Variants in TPGS2 observed in about 807,000 individuals in gnomAD.
TPGS2 encodes the protein polyglutamylase subunit 2.
TPGS2 carries 26 observed loss-of-function variants against 31.1 expected under a neutral mutation model. The observed-to-expected ratio is 0.84, with a 90% CI of 0.61 to 1.16. The LOEUF is 1.16. Ranked by LOEUF, TPGS2 falls within the 50% of genes most tolerant of loss-of-function variation. The pLI, the probability that TPGS2 is intolerant of heterozygous loss-of-function variation, is 0.00. For missense variants in TPGS2, 351 were observed against 363.8 expected, an observed-to-expected ratio of 0.96 and a Z score of 0.29; for synonymous variants, 130 against 136.6, an observed-to-expected ratio of 0.95 and a Z score of 0.34.
At chr18:36,783,198 T>C in intron 6 of TPGS2, 1 of 395,488 alleles carries the variant, frequency 2.5e-6, no homozygotes, top group African/African-American at 2.1e-5. Context: ...AACTAAAGGA[T>C]GTTTCCTGTT....
At chr18:36,811,396 C>A (rs2045420216) in intron 2 of TPGS2, among the ~76,000 whole-genome samples, 1 of 152,162 alleles carries the variant, frequency 6.6e-6, no homozygotes. Flanking sequence ...AGGTAGCATA[C>A]TTTTTCCAAA....
chr18:36,803,255 C>G (rs1361451515), intron 4 of TPGS2, among the ~76,000 whole-genome samples: 1 of 152,172 alleles, frequency 6.6e-6, no homozygotes, highest in Non-Finnish European at 1.5e-5. Context: ...TGCCTGTTGA[C>G]CAACGTTTCC....
At chr18:36,801,811 T>C (rs1474465866) in intron 4 of TPGS2, among the ~76,000 whole-genome samples, 9 of 152,240 alleles carry the variant, frequency 5.9e-5, no homozygotes, top group African/African-American at 1.4e-4. Context: ...TCATTTGTGT[T>C]TCTTGTTCCT....
chr18:36,824,535 T>C (rs1437568870), intron 1 of TPGS2, among the ~76,000 whole-genome samples: 1 of 152,202 alleles, frequency 6.6e-6, no homozygotes, highest in African/African-American at 2.4e-5. Context: ...CAACAATTGC[T>C]GTATCTGTCT....
rs78925692 is a variant in TPGS2, at chr18:36,819,277, C to T, written c.86-304G>A. Reference sequence around the variant, plus strand: ...ATTGTAGATTCCTAATGATTTCACACAGAAATTCTCAGTGAGCTAAATCTA... The same window carrying T: ...ATTGTAGATTCCTAATGATTTCACATAGAAATTCTCAGTGAGCTAAATCTA... On this transcript the variant is annotated intron_variant, in intron 1 of 6. Coordinates refer to ENST00000334295, the MANE Select transcript of TPGS2 (RefSeq NM_015476.4). Among the ~76,000 whole-genome samples, 981 of 152,270 alleles carry T rather than the reference C, an allele frequency of 6.4e-3. 15 individuals are homozygous for T. The highest frequency in any genetic ancestry group is 0.022 in the African/African-American group (909 of 41,554).
At chr18:36,800,056 G>T in intron 5 of TPGS2, 142 bp downstream of exon 5, 1 of 679,316 alleles carries the variant, frequency 1.5e-6, no homozygotes, top group Non-Finnish European at 2.6e-6. Flanking sequence ...AACCAAAGGG[G>T]TTTTTGGGTT....
intron 1 of TPGS2, chr18:36,820,963 C>T (rs2045867690): frequency 6.6e-6 from 1 of 152,204 alleles, no homozygotes; most frequent in Non-Finnish European, 1.5e-5. Flanking sequence ...AGAGATGAAA[C>T]TCACATCTTT....
At chr18:36,803,897 T>C (rs1290917127) in intron 4 of TPGS2, among the ~76,000 whole-genome samples, 1 of 152,174 alleles carries the variant, frequency 6.6e-6, no homozygotes, top group Non-Finnish European at 1.5e-5. Context: ...TTGTGTTTTT[T>C]TTTTAAATAG....
intron 1 of TPGS2, among the ~76,000 whole-genome samples, chr18:36,822,135 T>G (rs979774508): frequency 1.3e-5 from 2 of 152,218 alleles, no homozygotes; most frequent in Admixed American, 1.3e-4. Context: ...TCTAGGAGGC[T>G]GAAATTTTGA....
At chr18:36,801,574 T>C (rs1568007366) in intron 4 of TPGS2, among the ~76,000 whole-genome samples, 1 of 152,198 alleles carries the variant, frequency 6.6e-6, no homozygotes, top group Non-Finnish European at 1.5e-5. Flanking sequence ...GCTCTAGTGA[T>C]CCTCTGGCCT....
Position 36,784,423 on chromosome 18 carries a change from T to C in TPGS2, c.658-1292A>G, listed in dbSNP as rs140800319. 6.4e-3 allele frequency among the ~76,000 whole-genome samples: 981 copies of C among 152,312 alleles called. 11 individuals are homozygous for C. The highest frequency in any genetic ancestry group is 0.022 in the African/African-American group (925 of 41,566). On this transcript the variant is annotated intron_variant, in intron 6 of 6. Transcript: ENST00000587129. ...TGCAGCCATATCTAGATTTTTAAAA[T>C]CAGAAATCATTTTATCAGATAAGTA...
At chr18:36,793,045 G>C (rs1319526323), downstream of TPGS2, among the ~76,000 whole-genome samples, 1 of 152,244 alleles carries the variant, frequency 6.6e-6, no homozygotes, top group East Asian at 1.9e-4. Context: ...TCTTTTGCCA[G>C]AAGCGCTCCC....
At position 36,797,038 on chromosome 18, in the gene TPGS2, T is replaced by G. The variant is rs749160119; in HGVS notation, c.670A>C (p.Met224Leu). The part of the protein sequence containing the change: ...ISPQAKQWFS[M>L]YKPITYNTNL... Reference sequence around the variant, plus strand: ...GTGTTGTAGGTGATAGGTTTATACATGCTGAACCATTGCTGTAAGGCAGAA... The same window carrying G: ...GTGTTGTAGGTGATAGGTTTATACAGGCTGAACCATTGCTGTAAGGCAGAA... Residue 224 changes from methionine (M) to leucine (L), a missense_variant, in exon 7 of 7, where the codon ATG (methionine) becomes CTG (leucine). Met to Leu is a conservative substitution (Grantham distance 15). Transcript: ENST00000334295. 5.0e-6 allele frequency: 8 copies of G among 1,594,606 alleles called. No homozygotes were observed. In the Admixed American group the frequency reaches 5.5e-5, roughly 11 times the overall value.
In TPGS2 at chr18:36,795,539, C is replaced by T. The variant is rs1266387546; in HGVS notation, c.*1266G>A. 1 of 985,316 alleles carries T rather than the reference C, an allele frequency of 1.0e-6. No homozygotes were observed. Among genetic ancestry groups the T allele is most frequent in the African/African-American group, 1.7e-5 (1 of 57,240 alleles). 61.0% of individuals were successfully genotyped at this position (985,316 alleles called of 1,614,324 possible). A position where few individuals can be genotyped will look rare whatever the true frequency, so the allele number is the denominator to read the frequency against. On this transcript the variant is annotated 3_prime_UTR_variant, in exon 7 of 7. Coordinates refer to ENST00000334295, the MANE Select transcript of TPGS2 (RefSeq NM_015476.4). The stretch of plus-strand genomic sequence containing the variant: ...AAGCAGGGTGAAGGCCTTGCTTCTG[C>T]CCACAGCCAGGACTGTAGAGGGAGG...
chr18:36,780,204 A>C (rs1050061572), downstream of TPGS2: 50 of 1,231,416 alleles, frequency 4.1e-5, no homozygotes, highest in Non-Finnish European at 5.0e-5. Flanking sequence ...TTTTGTTAAT[A>C]GAGTGAGTAA....
At position 36,794,638 on chromosome 18, in the gene TPGS2, T is replaced by C; in HGVS notation, c.*2167A>G. The C allele has an allele frequency of 1.0e-6, 1 of 985,410 alleles. No individual in the cohort carries two copies. The highest frequency in any genetic ancestry group is 1.2e-6 in the Non-Finnish European group (1 of 829,926). 61.0% of individuals were successfully genotyped at this position (985,410 alleles called of 1,614,324 possible). ...CCAGTGCCGTTGGCTCTTCCTTTGA[T>C]CAATTCTGGCAAGAAAAATACTTCT... is the stretch of plus-strand genomic sequence containing the variant. On this transcript the variant is annotated 3_prime_UTR_variant, in exon 7 of 7. Coordinates refer to ENST00000334295, the MANE Select transcript of TPGS2 (RefSeq NM_015476.4).
At chr18:36,823,460 G>GTTTTT (rs919277214) in intron 1 of TPGS2, among the ~76,000 whole-genome samples, 11 of 108,094 alleles carry the variant, frequency 1.0e-4, no homozygotes, top group Admixed American at 6.3e-4. Context: ...TTAACAGCTT[G>GTTTTT]TTTTTTTTTT....
Position 36,828,733 on chromosome 18 carries a change from C to T in TPGS2, c.35G>A (p.Cys12Tyr). 2 of 1,614,062 alleles carry T rather than the reference C, an allele frequency of 1.2e-6. No individual in the cohort carries two copies. The highest frequency in any genetic ancestry group is 1.7e-6 in the Non-Finnish European group (2 of 1,179,992). ...EEEASSPGLGCSKPHLEKLTL... is the reference protein window; with the variant it reads ...EEEASSPGLGYSKPHLEKLTL... Reference sequence around the variant, plus strand: ...CAGCTTCTCCAGGTGCGGCTTGCTGCAGCCCAGCCCCGGGGACGATGCCTC... The same window carrying T: ...CAGCTTCTCCAGGTGCGGCTTGCTGTAGCCCAGCCCCGGGGACGATGCCTC... The change falls in exon 1 of 7, where the codon TGC becomes TAC. Residue 12 changes from cysteine to tyrosine, a missense_variant. Cys to Tyr is a radical substitution (Grantham distance 194). Coordinates refer to ENST00000334295, the MANE Select transcript of TPGS2 (RefSeq NM_015476.4).
In TPGS2 at chr18:36,800,221, A is replaced by G; in HGVS notation, c.473T>C (p.Leu158Pro). 1 of 1,614,144 alleles carries G rather than the reference A, an allele frequency of 6.2e-7. No homozygotes were observed. The highest frequency in any genetic ancestry group is 1.7e-5 in the Admixed American group (1 of 60,022). The change falls in exon 5 of 7, where the codon CTT becomes CCT. Residue 158 changes from leucine to proline, a missense_variant. Leu to Pro is a moderately conservative substitution (Grantham distance 98). Coordinates refer to ENST00000334295, the MANE Select transcript of TPGS2 (RefSeq NM_015476.4). Reference sequence around the variant, plus strand: ...ACCTGGTTTCCCACTTTTGTAGACAAGGCAAACTTTCCCACTGCCATTGCA... The same window carrying G: ...ACCTGGTTTCCCACTTTTGTAGACAGGGCAAACTTTCCCACTGCCATTGCA... ...DSCNGSGKVC[L>P]VYKSGKPALA...
Sources: allele counts gnomAD v4.1 joint callset (sites outside exome capture counted in the v4.1 genomes callset), GRCh38; gene constraint gnomAD v4.1.1; transcripts MANE v1.5; gene names NCBI Gene and HGNC (gene_info 2026-07-23, HGNC 2026-07-21).